Variants in BCO1 observed in about 807,000 individuals in gnomAD.
BCO1 encodes beta-carotene oxygenase 1.
BCO1 carries 54 observed loss-of-function variants against 56.3 expected under a neutral mutation model. The observed-to-expected ratio is 0.96, with a 90% confidence interval of 0.77 to 1.20. BCO1 has a LOEUF of 1.20. Among genes scored for constraint, BCO1 ranks in the 50% most tolerant of loss-of-function variants. BCO1 has a pLI of 0.00. For synonymous variants in BCO1, 318 were observed against 266.1 expected (o/e 1.20, Z -1.90); for missense variants, 801 against 690.9 (o/e 1.16, Z -1.79).
chr16:81,281,577 C>G (rs990502124), intron 8 of BCO1, among the ~76,000 whole-genome samples: 1 of 152,188 alleles, frequency 6.6e-6, no homozygotes, highest in Non-Finnish European at 1.5e-5. Context: ...CTCTCAACAT[C>G]CACAATATCC....
chr16:81,248,482 C>T (rs1905568760), intron 2 of BCO1, among the ~76,000 whole-genome samples: 1 of 150,490 alleles, frequency 6.6e-6, no homozygotes, highest in Non-Finnish European at 1.5e-5. Flanking sequence ...TGAATGTGTA[C>T]TCTATGCCAG....
intron 8 of BCO1, among the ~76,000 whole-genome samples, chr16:81,281,406 A>T (rs1045587877): frequency 1.3e-5 from 2 of 152,172 alleles, no homozygotes; most frequent in African/African-American, 4.8e-5. Flanking sequence ...AGATTGTGCT[A>T]TTGTACTCCA....
At chr16:81,256,035 T>C (rs1269828137) in intron 2 of BCO1, among the ~76,000 whole-genome samples, 1 of 151,896 alleles carries the variant, frequency 6.6e-6, no homozygotes. Context: ...AGGCTGGTCT[T>C]GAACTCCTGA....
At chr16:81,278,414 C>G (rs1438452512) in intron 7 of BCO1, among the ~76,000 whole-genome samples, 6 of 152,262 alleles carry the variant, frequency 3.9e-5, no homozygotes, top group Admixed American at 1.3e-4. Flanking sequence ...TCATTTGATT[C>G]TTACAGCCAC....
At chr16:81,280,350 C>CAT (rs1907809769) in intron 7 of BCO1, among the ~76,000 whole-genome samples, 2 of 119,558 alleles carry the variant, frequency 1.7e-5, no homozygotes, top group Admixed American at 1.9e-4. Context: ...CACACACACA[C>CAT]ATTTAGTATA....
At chr16:81,278,195 C>A in intron 7 of BCO1, among the ~76,000 whole-genome samples, 1 of 152,096 alleles carries the variant, frequency 6.6e-6, no homozygotes, top group Non-Finnish European at 1.5e-5. Context: ...GCATGTGCTA[C>A]CACGCAGGGC....
intron 8 of BCO1, among the ~76,000 whole-genome samples, chr16:81,284,720 A>C (rs2150645576): frequency 6.6e-6 from 1 of 152,200 alleles, no homozygotes; most frequent in East Asian, 1.9e-4. Flanking sequence ...CCTGGCCTCA[A>C]GCGATCCTCC....
intron 8 of BCO1, among the ~76,000 whole-genome samples, chr16:81,282,461 C>T (rs1280691625): frequency 6.6e-6 from 1 of 152,146 alleles, no homozygotes; most frequent in Non-Finnish European, 1.5e-5. Flanking sequence ...GAGGTTTGGG[C>T]ATCTGGAAGA....
intron 7 of BCO1, 66 bp from the exon 8 acceptor site, chr16:81,280,791 C>G (rs1259511931): frequency 8.3e-7 from 1 of 1,202,078 alleles, no homozygotes; most frequent in Non-Finnish European, 1.2e-6. Flanking sequence ...AATATATACA[C>G]TAAAGCAAAT....
At chr16:81,287,478 G>T in intron 10 of BCO1, 72 bp downstream of exon 10, 2 of 1,215,836 alleles carry the variant, frequency 1.6e-6, no homozygotes, top group East Asian at 2.4e-5. Context: ...GACACCATCT[G>T]GGGGCAGCTG....
chr16:81,263,041 C>G (rs1471493133), intron 4 of BCO1: 1 of 152,062 alleles, frequency 6.6e-6, no homozygotes, highest in Non-Finnish European at 1.5e-5. Context: ...GTAGATGCAT[C>G]CCTCCAGCCT....
chr16:81,249,289 C>G (rs1438814488), intron 2 of BCO1, among the ~76,000 whole-genome samples: 1 of 151,878 alleles, frequency 6.6e-6, no homozygotes, highest in Non-Finnish European at 1.5e-5. Context: ...CAGAGTCTGG[C>G]TCTGTCACCC....
At chr16:81,253,879 C>G (rs183245227) in intron 2 of BCO1, among the ~76,000 whole-genome samples, 1 of 152,252 alleles carries the variant, frequency 6.6e-6, no homozygotes, top group Admixed American at 6.5e-5. Flanking sequence ...GGGAGGATCA[C>G]TCGAGCCTGG....
chr16:81,239,787 G>A (rs745820660), intron 1 of BCO1, among the ~76,000 whole-genome samples: 14 of 151,996 alleles, frequency 9.2e-5, no homozygotes, highest in African/African-American at 2.2e-4. Flanking sequence ...TCTGTGTTTC[G>A]CTTAATCTTT....
At chr16:81,252,937 CCTCT>C (rs892497297) in intron 2 of BCO1, among the ~76,000 whole-genome samples, 2 of 151,984 alleles carry the variant, frequency 1.3e-5, no homozygotes, top group Admixed American at 1.3e-4. Context: ...GGTGAAACCC[CCTCT>C]CTAGTAAAAA....
At position 81,270,431 on chromosome 16, in the gene BCO1, G is replaced by A. The variant is rs1168698113; in HGVS notation, c.1101+15G>A. On this transcript the variant is annotated intron_variant, in intron 7 of 10. Coordinates refer to ENST00000258168, the MANE Select transcript of BCO1 (RefSeq NM_017429.3). ...ACGTGGACAAGGTAATGGCTTCCAA[G>A]GAGGTCCCTTTTCTTTCTAGAGAGA... is the stretch of plus-strand genomic sequence containing the variant. 5 of 1,613,906 alleles carry A rather than the reference G, an allele frequency of 3.1e-6. No homozygotes were observed. The highest frequency in any genetic ancestry group is 2.2e-5 in the East Asian group (1 of 44,872).
At chr16:81,270,567 C>A in intron 7 of BCO1, 151 bp downstream of exon 7, 1 of 1,049,892 alleles carries the variant, frequency 9.5e-7, no homozygotes. Flanking sequence ...AAAGTAGTAC[C>A]GATTCATAAT....
intron 10 of BCO1, among the ~76,000 whole-genome samples, chr16:81,288,434 T>C (rs1908302640): frequency 6.6e-6 from 1 of 151,978 alleles, no homozygotes; most frequent in Non-Finnish European, 1.5e-5. Context: ...AGCTCATTCT[T>C]TTTATTTTTT....
At chr16:81,259,516 A>G (rs188688252) in intron 2 of BCO1, among the ~76,000 whole-genome samples, 160 bp from the exon 3 acceptor site, 158 of 152,322 alleles carry the variant, frequency 1.0e-3, no homozygotes, top group South Asian at 2.7e-3. Flanking sequence ...AAATAAAATT[A>G]TATTTAAAAT....
Sources: gnomAD v4.1 joint callset for allele counts (sites outside exome capture counted in the v4.1 genomes callset) on GRCh38, gnomAD v4.1.1 for gene constraint, MANE v1.5 for transcripts, NCBI Gene and HGNC (gene_info 2026-07-23, HGNC 2026-07-21) for gene names.